SNX25: variants seen among roughly 807,000 people sequenced by gnomAD.
The protein encoded by SNX25 is sorting nexin 25.
Under a neutral mutation model 113.7 loss-of-function variants are expected in SNX25, and 62 were observed. The observed-to-expected ratio is 0.55, with a 90% CI of 0.44 to 0.67. The LOEUF is 0.67. Ranked by LOEUF, SNX25 falls within the 30% of genes least tolerant of loss-of-function variation. SNX25 has a pLI of 0.00. For missense variants in SNX25, 1,014 were observed against 1,161.0 expected (o/e 0.87, Z 1.84); for synonymous variants, 421 against 436.2 (o/e 0.97, Z 0.43).
At chr4:185,364,558 A>G (rs2126766726), downstream of SNX25, 1 of 152,346 alleles carries the variant, frequency 6.6e-6, no homozygotes, top group Non-Finnish European at 1.5e-5. Context: ...CGTATGATAT[A>G]CATATCATAC....
chr4:185,269,101 G>A (rs1748546203), intron 5 of SNX25, among the ~76,000 whole-genome samples: 1 of 152,106 alleles, frequency 6.6e-6, no homozygotes, highest in African/African-American at 2.4e-5. Flanking sequence ...GAACCCAAGA[G>A]CCAGTATTCC....
chr4:185,302,417 G>A (rs892805239), intron 6 of SNX25, among the ~76,000 whole-genome samples: 1 of 152,038 alleles, frequency 6.6e-6, no homozygotes, highest in Non-Finnish European at 1.5e-5. Context: ...TCCCCCTGTG[G>A]GATCTGGCAC....
At chr4:185,349,253 CG>C (rs2095303872) in intron 13 of SNX25, among the ~76,000 whole-genome samples, 2 of 152,166 alleles carry the variant, frequency 1.3e-5, no homozygotes, top group Non-Finnish European at 2.9e-5. Flanking sequence ...ATGTAGCCCG[CG>C]GGCTGTGGGT....
At position 185,222,983 on chromosome 4, in the gene SNX25, G is replaced by T. The variant is rs567840180; in HGVS notation, c.429+12728G>T. ...CTTTGGATATGGAAGATGTTAAGTG[G>T]TAGCTTTTACACTTACTTTTTACAA... On this transcript the variant is annotated intron_variant, in intron 1 of 18. Transcript: ENST00000652585. Among the ~76,000 whole-genome samples, 15 of 152,290 alleles carry T rather than the reference G, an allele frequency of 9.8e-5. No individual in the cohort carries two copies. In the South Asian group the frequency reaches 3.1e-3, roughly 32 times the overall value.
chr4:185,331,541 G>A (rs2095195255), intron 9 of SNX25, among the ~76,000 whole-genome samples: 3 of 152,186 alleles, frequency 2.0e-5, no homozygotes, highest in South Asian at 2.1e-4. Flanking sequence ...AGCACTTTGG[G>A]AGGACGAGGC....
downstream of SNX25, chr4:185,365,150 T>C (rs879688570): frequency 6.6e-6 from 1 of 151,990 alleles, no homozygotes; most frequent in Non-Finnish European, 1.5e-5. Flanking sequence ...AGGGACTCGC[T>C]TGTGCCAGAG....
At chr4:185,261,144 G>A (rs905342785) in intron 3 of SNX25, among the ~76,000 whole-genome samples, 12 of 150,050 alleles carry the variant, frequency 8.0e-5, no homozygotes, top group Non-Finnish European at 1.6e-4. Flanking sequence ...GTGTGTGTGT[G>A]TGTGTGTGTG....
chr4:185,320,036 A>C (rs1352371140), intron 7 of SNX25, among the ~76,000 whole-genome samples: 2 of 152,222 alleles, frequency 1.3e-5, no homozygotes, highest in Non-Finnish European at 2.9e-5. Flanking sequence ...TGGGAATGTA[A>C]ATTACTTTAA....
intron 15 of SNX25, among the ~76,000 whole-genome samples, chr4:185,355,906 C>CAGTAGGCATGTCAGAGCCAGT (rs2095336696): frequency 6.6e-6 from 1 of 152,224 alleles, no homozygotes; most frequent in Admixed American, 6.5e-5. Context: ...TTAAGAGATA[C>CAGTAGGCATGTCAGAGCCAGT]AGTAGGCATG....
downstream of SNX25, chr4:185,373,135 G>A (rs1369430864): frequency 4.9e-5 from 71 of 1,459,424 alleles, no homozygotes; most frequent in Non-Finnish European, 6.3e-5. Context: ...GAAATTATAA[G>A]GGAATACTAG....
intron 2 of SNX25, among the ~76,000 whole-genome samples, chr4:185,250,116 T>A (rs992502291): frequency 6.6e-6 from 1 of 152,236 alleles, no homozygotes; most frequent in Admixed American, 6.5e-5. Context: ...TAATGGCTGA[T>A]CACCTTGAAG....
Position 185,363,401 on chromosome 4 carries a change from T to A in SNX25, c.2951T>A (p.Leu984Gln). 6.2e-7 allele frequency: 1 copy of A among 1,614,134 alleles called. No homozygotes were observed. The highest frequency in any genetic ancestry group is 8.5e-7 in the Non-Finnish European group (1 of 1,179,996). ...TTGGTTCAGGCGCTGATGGAACTGCTGCTAATTGAACTGTGTCCTGAGCTG... is the reference window on the plus strand; with the variant it reads ...TTGGTTCAGGCGCTGATGGAACTGCAGCTAATTGAACTGTGTCCTGAGCTG... ...KHLLYALMEL[L>Q]LIELCPELRV... Residue 984 changes from leucine to glutamine, a missense_variant, in exon 19 of 19, where the codon CTG (leucine) becomes CAG (glutamine). Physicochemically the swap from Leu to Gln is moderately radical, Grantham distance 113. Coordinates refer to ENST00000652585, the MANE Select transcript of SNX25 (RefSeq NM_001378034.2). The surrounding 1 kb of genome is among the most constrained non-coding windows in gnomAD (Gnocchi z 4.2).
intron 10 of SNX25, among the ~76,000 whole-genome samples, chr4:185,333,820 G>T (rs1039945266): frequency 6.6e-6 from 1 of 152,004 alleles, no homozygotes; most frequent in Non-Finnish European, 1.5e-5. Context: ...GAGATGGGTG[G>T]ATCGCTTGAG....
chr4:185,272,582 AATCCGGGC>A (rs892873910), intron 5 of SNX25, among the ~76,000 whole-genome samples: 122 of 152,162 alleles, frequency 8.0e-4, no homozygotes, highest in African/African-American at 2.7e-3. Context: ...TCTGGAGGGG[AATCCGGGC>A]ATCAGGATTT....
downstream of SNX25, chr4:185,365,172 T>G (rs2095382359): frequency 6.9e-6 from 1 of 145,516 alleles, no homozygotes; most frequent in South Asian, 2.1e-4. Flanking sequence ...ATTAGCTTTA[T>G]GGTAACTAGA....
chr4:185,293,011 A>T (rs973460822), intron 6 of SNX25, among the ~76,000 whole-genome samples: 1 of 152,254 alleles, frequency 6.6e-6, no homozygotes, highest in Admixed American at 6.5e-5. Flanking sequence ...CTTGCAAATC[A>T]TGTATCTGAT....
intron 9 of SNX25, among the ~76,000 whole-genome samples, chr4:185,327,027 T>C (rs568702465): frequency 2.0e-5 from 3 of 152,372 alleles, no homozygotes; most frequent in East Asian, 3.9e-4. Flanking sequence ...TTTATTTTAT[T>C]CAACTTAAAA....
chr4:185,354,437 A>G (rs1007464428), intron 15 of SNX25, among the ~76,000 whole-genome samples: 2 of 152,142 alleles, frequency 1.3e-5, no homozygotes, highest in East Asian at 3.8e-4. Flanking sequence ...GATTGTCTTA[A>G]CTTGGAGTGA....
rs1337498721 is a variant in SNX25 at position 185,287,529 on chromosome 4, C to A, written c.1092-483C>A. On this transcript the variant is annotated intron_variant, in intron 5 of 18. Coordinates refer to ENST00000652585, the MANE Select transcript of SNX25 (RefSeq NM_001378034.2). ...AGTGAAGAAAATGTTCTACTTGGCA[C>A]CGCCCGGTGTGGTCCACAAGCCCAC... Among the ~76,000 whole-genome samples, 9 of 152,318 alleles carry A rather than the reference C, an allele frequency of 5.9e-5. No homozygotes were observed. In the East Asian group the frequency reaches 1.5e-3, roughly 26 times the overall value.
Sources: allele counts gnomAD v4.1 joint callset (sites outside exome capture counted in the v4.1 genomes callset), GRCh38; gene constraint gnomAD v4.1.1; non-coding constraint Gnocchi (gnomAD v3.1); transcripts MANE v1.5; gene names NCBI Gene and HGNC (gene_info 2026-07-23, HGNC 2026-07-21).